The following KCNH1 variants were observed in gnomAD, a reference collection of about 807,000 sequenced individuals.
KCNH1 encodes the protein potassium voltage-gated channel subfamily H member 1.
Under a neutral mutation model 69.2 loss-of-function variants are expected in KCNH1, and 27 were observed. The observed-to-expected ratio is 0.39, with a 90% CI of 0.29 to 0.54. KCNH1 has a LOEUF of 0.54. Ranked by LOEUF, KCNH1 falls within the 20% of genes least tolerant of loss-of-function variation. The probability of loss-of-function intolerance (pLI) is 0.68; values close to 1 mark genes in which losing one functional copy is unlikely to be tolerated. For missense variants in KCNH1, 798 were observed against 1,261.6 expected (o/e 0.63, Z 5.57); for synonymous variants, 456 against 487.7 (o/e 0.93, Z 0.86).
intron 7 of KCNH1, chr1:210,860,854 G>A: frequency 2.2e-6 from 2 of 918,010 alleles, no homozygotes; most frequent in Non-Finnish European, 3.7e-6. Context: ...TACTCAGCAA[G>A]CCCTTGCTCT....
intron 2 of KCNH1, among the ~76,000 whole-genome samples, chr1:211,105,000 C>T (rs928055607): frequency 2.6e-5 from 4 of 152,142 alleles, no homozygotes; most frequent in African/African-American, 9.7e-5. Flanking sequence ...AATTCTGGTA[C>T]CCAATAAGAA....
At chr1:211,071,215 A>G (rs1690636810) in intron 5 of KCNH1, among the ~76,000 whole-genome samples, 1 of 152,228 alleles carries the variant, frequency 6.6e-6, no homozygotes, top group Admixed American at 6.5e-5. Flanking sequence ...AGGCAACCGC[A>G]GCTGCAGACC....
At chr1:210,874,238 C>T (rs964485579) in intron 7 of KCNH1, among the ~76,000 whole-genome samples, 1 of 152,302 alleles carries the variant, frequency 6.6e-6, no homozygotes, top group Non-Finnish European at 1.5e-5. Flanking sequence ...ACAGAAGAAA[C>T]CTGATGCTGT....
rs577519986 is a variant in KCNH1 at position 210,912,512 on chromosome 1, C to G, written c.1462+7128G>C. Among the ~76,000 whole-genome samples the G allele has an allele frequency of 5.3e-5, 8 of 152,278 alleles. No homozygotes were observed. The South Asian group carries it at 1.7e-3, about 32-fold the overall frequency. On this transcript the variant is annotated intron_variant, in intron 7 of 10. Coordinates refer to ENST00000271751, the MANE Select transcript of KCNH1 (RefSeq NM_172362.3). ...TGATATTTTATGCAAGTTCAATTCT[C>G]TTAAAGTAGAGCATACTCAAAGGAC...
chr1:210,831,249 C>T (rs1376812139), intron 7 of KCNH1, among the ~76,000 whole-genome samples: 1 of 152,126 alleles, frequency 6.6e-6, no homozygotes, highest in Non-Finnish European at 1.5e-5. Context: ...AACTCAAAGC[C>T]TAAATAGGGG....
chr1:210,921,760 C>T (rs576550789), intron 6 of KCNH1, among the ~76,000 whole-genome samples: 44 of 152,268 alleles, frequency 2.9e-4, no homozygotes, highest in Non-Finnish European at 5.9e-4. Flanking sequence ...ACAGTGAGGC[C>T]TCGCATTGAA....
At chr1:210,827,979 C>T (rs11589083) in intron 7 of KCNH1, among the ~76,000 whole-genome samples, 1 of 152,064 alleles carries the variant, frequency 6.6e-6, no homozygotes, top group Non-Finnish European at 1.5e-5. Context: ...TCCTGAGTAG[C>T]TGTGATTACA....
chr1:210,915,131 A>G (rs1383917066), intron 7 of KCNH1, among the ~76,000 whole-genome samples: 1 of 152,164 alleles, frequency 6.6e-6, no homozygotes, highest in Non-Finnish European at 1.5e-5. Context: ...TCTTCCCCTG[A>G]CAATTCTTCT....
chr1:210,699,505 A>G (rs1167531847), intron 10 of KCNH1, among the ~76,000 whole-genome samples: 1 of 152,206 alleles, frequency 6.6e-6, no homozygotes, highest in East Asian at 1.9e-4. Context: ...TCTCAGGCCT[A>G]GGTAGGTGGA....
At chr1:210,689,832 G>A (rs1055483007) in intron 10 of KCNH1, among the ~76,000 whole-genome samples, 5 of 152,214 alleles carry the variant, frequency 3.3e-5, no homozygotes, top group African/African-American at 9.6e-5. Flanking sequence ...AGAATTTCCC[G>A]TGGCAGGGCT....
chr1:210,788,165 G>A (rs1048335636), intron 9 of KCNH1, among the ~76,000 whole-genome samples: 23 of 152,134 alleles, frequency 1.5e-4, no homozygotes, highest in African/African-American at 2.7e-4. Flanking sequence ...ATATAAGTGC[G>A]TTAGAGAAAA....
Position 211,134,087 on chromosome 1 carries a change from C to T in KCNH1, c.-142G>A, listed in dbSNP as rs1401831666. The stretch of plus-strand genomic sequence containing the variant: ...GATCCGCAGGCAGGGCTGGCGGCTC[C>T]CTCTGGCTGCTACCCTCGCGCCCTC... On this transcript the variant is annotated 5_prime_UTR_variant, in exon 1 of 11. Coordinates refer to ENST00000271751, the MANE Select transcript of KCNH1 (RefSeq NM_172362.3). This position sits in a 1 kb window ranked among gnomAD's most constrained non-coding sequence, Gnocchi z 5.7. The T allele has an allele frequency of 3.3e-5, 21 of 640,338 alleles. No individual in the cohort carries two copies. Among genetic ancestry groups the T allele is most frequent in the Non-Finnish European group, 4.0e-5 (15 of 377,354 alleles). The allele number at this position is 640,338 out of a possible 1,614,324, so 39.7% of individuals were successfully genotyped here.
intron 7 of KCNH1, among the ~76,000 whole-genome samples, chr1:210,889,453 GA>G (rs1686696858): frequency 6.6e-6 from 1 of 152,322 alleles, no homozygotes; most frequent in Admixed American, 6.5e-5. Context: ...ATGTCCTACT[GA>G]ATGGGCAGAA....
intron 5 of KCNH1, among the ~76,000 whole-genome samples, chr1:211,037,794 C>A (rs1689924704): frequency 6.6e-6 from 1 of 152,132 alleles, no homozygotes. Context: ...CCAACCAAAT[C>A]TCAACTTGAA....
rs1268330357 is a variant in KCNH1 at position 210,683,717 on chromosome 1, C to A, written c.2534G>T (p.Gly845Val). The A allele has an allele frequency of 1.2e-6, 2 of 1,614,220 alleles. No individual in the cohort carries two copies. The highest frequency in any genetic ancestry group is 2.2e-5 in the South Asian group (2 of 91,088). ...KSWARFKDAC[G>V]KSEDWNKVSK... ...CACCTTGTTCCAGTCCTCACTCTTCCCGCAAGCATCTTTGAAGCGGGCCCA... is the reference window on the plus strand; with the variant it reads ...CACCTTGTTCCAGTCCTCACTCTTCACGCAAGCATCTTTGAAGCGGGCCCA... Residue 845 changes from glycine to valine, a missense_variant, in exon 11 of 11, where the codon GGG (glycine) becomes GTG (valine). By Grantham distance (109) the Gly-to-Val change is moderately radical. Coordinates refer to ENST00000271751, the MANE Select transcript of KCNH1 (RefSeq NM_172362.3). The surrounding 1 kb of genome is among the most constrained non-coding windows in gnomAD (Gnocchi z 5.7).
chr1:210,904,923 GAGTGAGTA>G (rs1687071846), intron 7 of KCNH1, among the ~76,000 whole-genome samples: 1 of 152,160 alleles, frequency 6.6e-6, no homozygotes, highest in Non-Finnish European at 1.5e-5. Flanking sequence ...GCCACATAGA[GAGTGAGTA>G]ACTAAGGGGA....
At chr1:211,041,073 C>T (rs1339755452) in intron 5 of KCNH1, among the ~76,000 whole-genome samples, 2 of 152,198 alleles carry the variant, frequency 1.3e-5, no homozygotes, top group Non-Finnish European at 2.9e-5. Context: ...TTTCTTGCTA[C>T]AGCTCTTTTG....
intron 10 of KCNH1, 144 bp downstream of exon 10, chr1:210,775,204 C>T: frequency 2.9e-6 from 2 of 679,444 alleles, no homozygotes; most frequent in Non-Finnish European, 4.9e-6. Flanking sequence ...AGCAAAAGCC[C>T]CGCAGAGCAA....
intron 10 of KCNH1, among the ~76,000 whole-genome samples, chr1:210,735,257 A>G (rs1393831019): frequency 1.3e-5 from 2 of 152,134 alleles, no homozygotes; most frequent in Non-Finnish European, 2.9e-5. Context: ...GACCTAGCGT[A>G]CACCCCAGGC....
Sources: gnomAD v4.1 joint callset for allele counts (sites outside exome capture counted in the v4.1 genomes callset) on GRCh38, gnomAD v4.1.1 for gene constraint, Gnocchi (gnomAD v3.1) non-coding constraint, MANE v1.5 for transcripts, NCBI Gene and HGNC (gene_info 2026-07-23, HGNC 2026-07-21) for gene names.